KIAA0930: variants seen among roughly 807,000 people sequenced by gnomAD.
KIAA0930 encodes the protein KIAA0930.
Under a neutral mutation model 43.9 loss-of-function variants are expected in KIAA0930, and 24 were observed. The ratio of observed to expected loss-of-function variants is 0.55; its 90% CI spans 0.40 to 0.77. KIAA0930 has a LOEUF of 0.77. KIAA0930 is among the 30% of genes least tolerant of loss of function. KIAA0930 has a pLI of 0.00. For synonymous variants in KIAA0930, 259 were observed against 216.4 expected (o/e 1.20, Z -1.73); for missense variants, 461 against 574.2 (o/e 0.80, Z 2.02).
chr22:45,207,114 C>G (rs1329237078), intron 2 of KIAA0930, among the ~76,000 whole-genome samples: 1 of 151,252 alleles, frequency 6.6e-6, no homozygotes, highest in Non-Finnish European at 1.5e-5. Context: ...TCATGTGATT[C>G]TCCTGCCCCA....
chr22:45,226,545 C>T (rs1226789451), intron 1 of KIAA0930, among the ~76,000 whole-genome samples: 1 of 152,128 alleles, frequency 6.6e-6, no homozygotes, highest in Non-Finnish European at 1.5e-5. Flanking sequence ...GCTGCCCGCC[C>T]CGACCCCACA....
intron 1 of KIAA0930, among the ~76,000 whole-genome samples, chr22:45,238,087 A>AT (rs914782489): frequency 0.011 from 1,678 of 146,440 alleles, 11 homozygotes; most frequent in African/African-American, 0.021. Flanking sequence ...CGCCTGGCTA[A>AT]TTTTTTTTTT....
intron 2 of KIAA0930, among the ~76,000 whole-genome samples, chr22:45,210,763 C>T (rs569260438): frequency 2.0e-5 from 3 of 151,914 alleles, no homozygotes; most frequent in South Asian, 2.1e-4. Context: ...CCTGCCTGCC[C>T]GAGTGTGGCT....
chr22:45,203,216 G>A (rs772731065), intron 6 of KIAA0930, 32 bp from the exon 7 acceptor site: 23 of 1,557,620 alleles, frequency 1.5e-5, no homozygotes, highest in Non-Finnish European at 2.0e-5. Flanking sequence ...CCTGAGTCAG[G>A]GAGGTGGCGA....
chr22:45,211,975 C>T lies in KIAA0930; in HGVS notation c.197G>A (p.Ser66Asn). The change falls in exon 2 of 10, where the codon AGC (serine) becomes AAC (asparagine). Residue 66 changes from serine to asparagine, a missense_variant. Ser to Asn is a conservative substitution (Grantham distance 46). Coordinates refer to ENST00000336156, the MANE Select transcript of KIAA0930 (RefSeq NM_001009880.2). Reference protein sequence around the residue: ...RRKLAYSGSESGADGRKAAEP... With the variant: ...RRKLAYSGSENGADGRKAAEP... The stretch of plus-strand genomic sequence containing the variant: ...ACTCACCTTCCTCCCGTCTGCACCG[C>T]TTTCGCTGCCGGAGTACGCCAGCTT... 1 of 1,612,524 alleles carries T rather than the reference C, an allele frequency of 6.2e-7. No homozygotes were observed. Among genetic ancestry groups the T allele is most frequent in the East Asian group, 2.2e-5 (1 of 44,878 alleles).
chr22:45,228,744 A>C (rs1303661621), intron 1 of KIAA0930, among the ~76,000 whole-genome samples: 1 of 17,450 alleles, frequency 5.7e-5, no homozygotes, highest in Non-Finnish European at 9.2e-5. Flanking sequence ...CCACCCCCCT[A>C]CCACCACTCA....
rs141242172 is a variant in KIAA0930, at chr22:45,238,875, G to GCTCTCT, written c.64+1759_64+1764dup. On this transcript the variant is annotated intron_variant, in intron 1 of 9. Coordinates refer to ENST00000336156, the MANE Select transcript of KIAA0930 (RefSeq NM_001009880.2). ...TTCCTCATTGGTTGTCCCTGGGCAG[G>GCTCTCT]CTCTCTCTCTCTCTCTCTCTCTCTC... Among the ~76,000 whole-genome samples the GCTCTCT allele has an allele frequency of 7.6e-4, 111 of 145,484 alleles. No homozygotes were observed. The East Asian group carries it at 8.0e-3, about 11-fold the overall frequency.
At chr22:45,198,078 C>T (rs1156459332) in intron 8 of KIAA0930, 130 bp from the exon 9 acceptor site, 3 of 799,294 alleles carry the variant, frequency 3.8e-6, no homozygotes, top group African/African-American at 3.4e-5. Flanking sequence ...AACACCCCCA[C>T]ACCAGCACCC....
intron 1 of KIAA0930, among the ~76,000 whole-genome samples, chr22:45,236,652 G>C (rs920831082): frequency 6.6e-6 from 1 of 152,094 alleles, no homozygotes; most frequent in Non-Finnish European, 1.5e-5. Context: ...CTCTGCGCAG[G>C]GTTAAGCAAT....
At chr22:45,229,830 A>G (rs757508943) in intron 1 of KIAA0930, among the ~76,000 whole-genome samples, 15 of 152,244 alleles carry the variant, frequency 9.9e-5, no homozygotes, top group Admixed American at 2.0e-4. Context: ...GCAGTGGCTC[A>G]TGCCTGTAAT....
At chr22:45,230,739 A>G (rs1464088481) in intron 1 of KIAA0930, among the ~76,000 whole-genome samples, 1 of 151,322 alleles carries the variant, frequency 6.6e-6, no homozygotes, top group Non-Finnish European at 1.5e-5. Context: ...CTGCCACCAC[A>G]CCCGGCTAAT....
chr22:45,228,720 C>T lies in KIAA0930; in HGVS notation c.64+11920G>A, dbSNP rs112421747. ...CCCCCCCAACCACCAAACACTCACC[C>T]GAAAGATCCCTCTCCACCCCCCTAC... is the stretch of plus-strand genomic sequence containing the variant. On this transcript the variant is annotated intron_variant, in intron 1 of 9. Coordinates refer to ENST00000336156, the MANE Select transcript of KIAA0930 (RefSeq NM_001009880.2). Among the ~76,000 whole-genome samples, 547 of 106,044 alleles carry T rather than the reference C, an allele frequency of 5.2e-3. 5 individuals carry two copies. Among genetic ancestry groups the T allele is most frequent in the Admixed American group, 0.02 (198 of 10,018 alleles). The allele number at this position is 106,044 out of a possible 152,430, so 69.6% of individuals were successfully genotyped here.
chr22:45,213,355 G>C, intron 1 of KIAA0930: 1 of 1,303,668 alleles, frequency 7.7e-7, no homozygotes, highest in Non-Finnish European at 1.0e-6. Flanking sequence ...CTGGGCTCTA[G>C]GGCAGTGAGA....
intron 9 of KIAA0930, 22 bp from the exon 10 acceptor site, chr22:45,197,238 C>A: frequency 6.5e-7 from 1 of 1,547,494 alleles, no homozygotes; most frequent in Non-Finnish European, 8.7e-7. Flanking sequence ...AGGAGGGAAG[C>A]AGGTGAAACA....
chr22:45,234,217 C>T (rs78780903), intron 1 of KIAA0930, among the ~76,000 whole-genome samples: 6 of 152,028 alleles, frequency 3.9e-5, no homozygotes, highest in African/African-American at 9.7e-5. Flanking sequence ...GGTCAGTGTG[C>T]GTGTGGGTGC....
intron 5 of KIAA0930, among the ~76,000 whole-genome samples, 166 bp from the exon 6 acceptor site, chr22:45,204,151 A>G (rs758609013): frequency 6.6e-6 from 1 of 152,188 alleles, no homozygotes; most frequent in Non-Finnish European, 1.5e-5. Context: ...CCCACAGGAC[A>G]AGAACAGCCT....
chr22:45,194,570 G>A lies in KIAA0930; in HGVS notation c.*2606C>T, dbSNP rs1265608855. 6.6e-6 allele frequency: 1 copy of A among 152,174 alleles called. No homozygotes were observed. The highest frequency in any genetic ancestry group is 1.5e-5 in the Non-Finnish European group (1 of 68,046). The allele number at this position is 152,174 out of a possible 1,614,324, so 9.4% of individuals were successfully genotyped here. A position where few individuals can be genotyped will look rare whatever the true frequency, so the allele number is the denominator to read the frequency against. On this transcript the variant is annotated 3_prime_UTR_variant, in exon 10 of 10. Transcript: ENST00000336156. Reference sequence around the variant, plus strand: ...AGATGGTCTTACAAGAAGTACAAATGTGCCAACACCAGGACTTTGGGGACC... The same window carrying A: ...AGATGGTCTTACAAGAAGTACAAATATGCCAACACCAGGACTTTGGGGACC...
intron 1 of KIAA0930, among the ~76,000 whole-genome samples, chr22:45,220,812 C>T (rs1373164955): frequency 1.3e-5 from 2 of 152,162 alleles, no homozygotes; most frequent in Non-Finnish European, 2.9e-5. Flanking sequence ...AACTCCTGGG[C>T]TCAAGCGATC....
chr22:45,223,258 C>T (rs2083778016), intron 1 of KIAA0930, among the ~76,000 whole-genome samples: 2 of 152,202 alleles, frequency 1.3e-5, no homozygotes, highest in South Asian at 4.1e-4. Flanking sequence ...GAAGAAAGTT[C>T]TCTAGAATAA....
Sources: allele counts gnomAD v4.1 joint callset (sites outside exome capture counted in the v4.1 genomes callset), GRCh38; gene constraint gnomAD v4.1.1; transcripts MANE v1.5; gene names NCBI Gene and HGNC (gene_info 2026-07-23, HGNC 2026-07-21).